The following ADAP1 variants were observed in gnomAD, a reference collection of about 807,000 sequenced individuals.
ADAP1 encodes arf-GAP with dual PH domain-containing protein 1.
Under a neutral mutation model 54.9 loss-of-function variants are expected in ADAP1, and 31 were observed. That is an observed-to-expected ratio of 0.56 (90% confidence interval 0.42 to 0.76). The LOEUF (loss-of-function observed/expected upper bound fraction) is 0.76. Ranked by LOEUF, ADAP1 falls within the 30% of genes least tolerant of loss-of-function variation. The probability of loss-of-function intolerance (pLI) is 0.00; values close to 1 mark genes in which losing one functional copy is unlikely to be tolerated. For synonymous variants in ADAP1, 313 were observed against 202.6 expected, an observed-to-expected ratio of 1.55 and a Z score of -4.63; for missense variants, 535 against 512.4, an observed-to-expected ratio of 1.04 and a Z score of -0.42.
Position 945,654 on chromosome 7 carries a change from C to A in ADAP1, c.82+8742G>T. On this transcript the variant is annotated intron_variant, in intron 1 of 10. Coordinates refer to ENST00000265846, the MANE Select transcript of ADAP1 (RefSeq NM_006869.4). The surrounding 1 kb of genome is among the most constrained non-coding windows in gnomAD (Gnocchi z 4.2). Reference sequence around the variant, plus strand: ...GGCAGGCCCAAGACTCCAGCCCCCACAAACATCCAGGCTGCCAGCACCGTC... The same window carrying A: ...GGCAGGCCCAAGACTCCAGCCCCCAAAAACATCCAGGCTGCCAGCACCGTC... 1.2e-6 allele frequency: 1 copy of A among 862,154 alleles called. No individual in the cohort carries two copies. Among genetic ancestry groups the A allele is most frequent in the Non-Finnish European group, 1.4e-6 (1 of 717,560 alleles). The allele number at this position is 862,154 out of a possible 1,614,324, so 53.4% of individuals were successfully genotyped here.
chr7:919,302 C>T (rs1370138337), intron 4 of ADAP1, among the ~76,000 whole-genome samples: 1 of 152,174 alleles, frequency 6.6e-6, no homozygotes, highest in Non-Finnish European at 1.5e-5. Context: ...TCCCTGCAGG[C>T]CACCCCCGAA....
chr7:915,412 C>G (rs1404836587), intron 4 of ADAP1, among the ~76,000 whole-genome samples: 1 of 152,252 alleles, frequency 6.6e-6, no homozygotes, highest in Non-Finnish European at 1.5e-5. Flanking sequence ...GAGCCTGGTG[C>G]TGCGGACGTG....
chr7:917,006 G>A (rs1258583519), intron 4 of ADAP1, among the ~76,000 whole-genome samples: 7 of 59,474 alleles, frequency 1.2e-4, no homozygotes, highest in Non-Finnish European at 1.7e-4. Flanking sequence ...CAGCTCTACC[G>A]GGGAGGTGCA....
chr7:905,144 A>G lies in ADAP1; in HGVS notation c.417T>C (p.Arg139=). The G allele has an allele frequency of 6.8e-6, 11 of 1,612,222 alleles. No homozygotes were observed. Among genetic ancestry groups the G allele is most frequent in the Non-Finnish European group, 9.3e-6 (11 of 1,179,854 alleles). The change falls in exon 5 of 11, where the codon CGT becomes CGC. Residue 139 remains arginine, a synonymous_variant. Transcript: ENST00000265846. Reference sequence around the variant, plus strand: ...TCAAAAACTGCCCGTTGTCCCGGCCACGCTTCCAGAGAAAACCCTCACGGT... The same window carrying G: ...TCAAAAACTGCCCGTTGTCCCGGCCGCGCTTCCAGAGAAAACCCTCACGGT... ...AGYREGFLWK[R]GRDNGQFLSR...
intron 6 of ADAP1, chr7:900,884 G>T: frequency 2.0e-6 from 1 of 512,264 alleles, no homozygotes. Flanking sequence ...AAGGGCCGAA[G>T]GGCCGGGCCG....
chr7:917,567 C>T (rs1247263247), intron 4 of ADAP1, among the ~76,000 whole-genome samples: 3 of 151,740 alleles, frequency 2.0e-5, no homozygotes, highest in South Asian at 2.1e-4. Flanking sequence ...CAGGTTCAAG[C>T]GATTCTCCTG....
At chr7:907,558 G>A (rs1426310113) in intron 4 of ADAP1, among the ~76,000 whole-genome samples, 1 of 151,982 alleles carries the variant, frequency 6.6e-6, no homozygotes, top group African/African-American at 2.4e-5. Context: ...CCACTCAGAG[G>A]GGCGTTCCCA....
Position 935,477 on chromosome 7 carries a change from G to A in ADAP1, c.111C>T (p.Gly37=). 1 of 1,563,474 alleles carries A rather than the reference G, an allele frequency of 6.4e-7. No individual in the cohort carries two copies. Among genetic ancestry groups the A allele is most frequent in the Non-Finnish European group, 8.7e-7 (1 of 1,154,166 alleles). ...PDPDWASYTL[G]VFICLSCSGI... The stretch of plus-strand genomic sequence containing the variant: ...CCGAGCAGCTCAGGCAGATGAAGAC[G>A]CCCAGAGTGTAGGAGGCCCAGTCGG... The change falls in exon 2 of 11, where the codon GGC becomes GGT. Residue 37 remains glycine (G), a synonymous_variant. Coordinates refer to ENST00000265846, the MANE Select transcript of ADAP1 (RefSeq NM_006869.4).
At position 920,971 on chromosome 7, in the gene ADAP1, C is replaced by T; in HGVS notation, c.306-921G>A. On this transcript the variant is annotated intron_variant, in intron 3 of 10. Transcript: ENST00000265846. The surrounding 1 kb of genome is among the most constrained non-coding windows in gnomAD (Gnocchi z 4.5). ...TTGGAGACTGGGCGGGAATCCTCGC[C>T]CACAGGATCTGATGGGTGATGGGTC... 1 of 1,110,142 alleles carries T rather than the reference C, an allele frequency of 9.0e-7. No homozygotes were observed. Among genetic ancestry groups the T allele is most frequent in the East Asian group, 2.6e-5 (1 of 38,606 alleles). The allele number at this position is 1,110,142 out of a possible 1,614,324, so 68.8% of individuals were successfully genotyped here.
At chr7:943,287 AGG>A (rs1416435246) in intron 1 of ADAP1, among the ~76,000 whole-genome samples, 2 of 14,226 alleles carry the variant, frequency 1.4e-4, no homozygotes. Context: ...AGGAGGAGGA[AGG>A]GAGAGAGGAG....
chr7:903,040 T>C (rs1205010980), intron 6 of ADAP1, among the ~76,000 whole-genome samples: 1 of 152,084 alleles, frequency 6.6e-6, no homozygotes, highest in Admixed American at 6.5e-5. Context: ...GCAGCAGGGC[T>C]CCACCCAGGA....
At chr7:923,980 G>C (rs568088915) in intron 3 of ADAP1, among the ~76,000 whole-genome samples, 105 of 151,978 alleles carry the variant, frequency 6.9e-4, no homozygotes, top group African/African-American at 2.5e-3. Flanking sequence ...GAGCCACAGA[G>C]CCGGACCACA....
At chr7:927,175 G>A (rs1324434188) in intron 2 of ADAP1, 3 of 1,298,328 alleles carry the variant, frequency 2.3e-6, no homozygotes, top group Non-Finnish European at 3.0e-6. Context: ...ACACTGCAGG[G>A]ACCCAGAACA....
chr7:915,390 C>T (rs887391571), intron 4 of ADAP1, among the ~76,000 whole-genome samples: 1 of 152,244 alleles, frequency 6.6e-6, no homozygotes, highest in Non-Finnish European at 1.5e-5. Flanking sequence ...CTGGTCTCCA[C>T]AGGCAGATCA....
chr7:920,168 C>A lies in ADAP1; in HGVS notation c.306-118G>T. ...GGCTCATAGGGACCCCCGGCAGACT[C>A]GAGCCGCCCCTCTGGGCACAAGATC... On this transcript the variant is annotated intron_variant, in intron 3 of 10. Transcript: ENST00000265846. The surrounding 1 kb of genome is among the most constrained non-coding windows in gnomAD (Gnocchi z 4.5). 1.2e-6 allele frequency: 1 copy of A among 807,764 alleles called. No individual in the cohort carries two copies. The highest frequency in any genetic ancestry group is 1.9e-6 in the Non-Finnish European group (1 of 513,182). 50.0% of individuals were successfully genotyped at this position (807,764 alleles called of 1,614,324 possible).
At chr7:933,469 TCAGTGGTGCTGGAGAGCCGGGGGCC>T (rs1846648403) in intron 2 of ADAP1, among the ~76,000 whole-genome samples, 2 of 48,930 alleles carry the variant, frequency 4.1e-5, no homozygotes, top group Admixed American at 5.2e-4. Flanking sequence ...GGGGCAGGGG[TCAGTGGTGCTGGAGAGCCGGGGGCC>T]GGGGTCAGTG....
intron 4 of ADAP1, among the ~76,000 whole-genome samples, chr7:910,981 T>C (rs1845698437): frequency 1.3e-5 from 2 of 152,168 alleles, no homozygotes; most frequent in Non-Finnish European, 2.9e-5. Context: ...AGGCCTCCTC[T>C]GTGAGCCCGC....
At chr7:900,760 C>T in intron 6 of ADAP1, 144 bp from the exon 7 acceptor site, 1 of 728,992 alleles carries the variant, frequency 1.4e-6, no homozygotes, top group Non-Finnish European at 2.3e-6. Context: ...TCCCAGCAGT[C>T]CTGCCGCAGG....
At chr7:927,273 C>A in intron 2 of ADAP1, 1 of 1,232,130 alleles carries the variant, frequency 8.1e-7, no homozygotes, top group Non-Finnish European at 1.1e-6. Context: ...GAGGCTCGTG[C>A]TCCAGGAGGC....
Sources: gnomAD v4.1 joint callset for allele counts (sites outside exome capture counted in the v4.1 genomes callset) on GRCh38, gnomAD v4.1.1 for gene constraint, Gnocchi (gnomAD v3.1) non-coding constraint, MANE v1.5 for transcripts, NCBI Gene and HGNC (gene_info 2026-07-23, HGNC 2026-07-21) for gene names.